Variants in ROBO2 observed in about 807,000 individuals in gnomAD.
The protein encoded by ROBO2 is roundabout homolog 2.
A neutral mutation model predicts 160.8 loss-of-function variants in ROBO2; 53 were observed. That is an observed-to-expected ratio of 0.33 (90% CI 0.26 to 0.41). The LOEUF (loss-of-function observed/expected upper bound fraction) is 0.41, where lower values mean the gene tolerates loss of function less well. Ranked by LOEUF, ROBO2 falls within the 10% of genes least tolerant of loss-of-function variation. The pLI, the probability that ROBO2 is intolerant of heterozygous loss-of-function variation, is 1.00. For missense variants in ROBO2, 1,577 were observed against 1,722.4 expected, an observed-to-expected ratio of 0.92 and a Z score of 1.49; for synonymous variants, 664 against 611.7, an observed-to-expected ratio of 1.09 and a Z score of -1.26.
At chr3:76,057,191 C>T (rs1433453341) in intron 2 of ROBO2, among the ~76,000 whole-genome samples, 2 of 152,090 alleles carry the variant, frequency 1.3e-5, no homozygotes, top group Non-Finnish European at 2.9e-5. Context: ...TGATACTAGG[C>T]GTATGCGGGC....
chr3:77,134,549 G>A (rs1241562977), intron 2 of ROBO2, among the ~76,000 whole-genome samples: 2 of 152,126 alleles, frequency 1.3e-5, no homozygotes, highest in Non-Finnish European at 2.9e-5. Flanking sequence ...TCCAGTGTTG[G>A]CACAGACACA....
chr3:77,358,178 A>C (rs568545661), intron 2 of ROBO2, among the ~76,000 whole-genome samples: 1 of 152,142 alleles, frequency 6.6e-6, no homozygotes, highest in South Asian at 2.1e-4. Context: ...TTGAAATCAA[A>C]ATGTCAGCAG....
At chr3:76,176,475 G>A (rs930035338) in intron 2 of ROBO2, among the ~76,000 whole-genome samples, 19 of 152,088 alleles carry the variant, frequency 1.2e-4, no homozygotes, top group Non-Finnish European at 5.9e-5. Context: ...ACACTAAAGG[G>A]AGCCAGGAAG....
chr3:77,564,815 T>C (rs1559623444), intron 11 of ROBO2, 139 bp from the exon 13 acceptor site: 1 of 801,920 alleles, frequency 1.2e-6, no homozygotes, highest in Non-Finnish European at 2.1e-6. Flanking sequence ...GTTTCATTTA[T>C]TGGGCTGAAT....
chr3:76,342,376 C>T (rs1251067505), intron 2 of ROBO2, among the ~76,000 whole-genome samples: 2 of 152,084 alleles, frequency 1.3e-5, no homozygotes, highest in Non-Finnish European at 2.9e-5. Context: ...CATACACATG[C>T]CTGAGTGTTT....
At chr3:76,527,732 T>C (rs1422720802) in intron 2 of ROBO2, among the ~76,000 whole-genome samples, 1 of 152,150 alleles carries the variant, frequency 6.6e-6, no homozygotes, top group African/African-American at 2.4e-5. Flanking sequence ...ATATAGCACA[T>C]TATATAATGA....
chr3:77,302,350 C>T (rs1361375907), intron 2 of ROBO2, among the ~76,000 whole-genome samples: 1 of 151,864 alleles, frequency 6.6e-6, no homozygotes, highest in Non-Finnish European at 1.5e-5. Context: ...AGAACAGTGT[C>T]TTGTTTGTGG....
chr3:75,913,966 A>C (rs1946706207), intron 1 of ROBO2, among the ~76,000 whole-genome samples: 2 of 152,186 alleles, frequency 1.3e-5, no homozygotes, highest in Non-Finnish European at 2.9e-5. Context: ...CAGCCTTTGA[A>C]ATCTTTCTGT....
intron 1 of ROBO2, among the ~76,000 whole-genome samples, chr3:77,050,216 T>G (rs2065078926): frequency 6.6e-6 from 1 of 152,228 alleles, no homozygotes; most frequent in Non-Finnish European, 1.5e-5. Flanking sequence ...CGTTGCCAGA[T>G]AACAGTACAG....
chr3:77,340,930 G>C lies in ROBO2; in HGVS notation c.389-136484G>C, dbSNP rs116688523. On this transcript the variant is annotated intron_variant, in intron 2 of 25. Transcript: ENST00000461745. The stretch of plus-strand genomic sequence containing the variant: ...TGTAGTATCGTCACTTGTAGAGCTG[G>C]GATCAACAAGCTAGTCTATGGGCCA... 7.6e-3 allele frequency among the ~76,000 whole-genome samples: 1,160 copies of C among 152,060 alleles called. 11 individuals are homozygous for C. Among genetic ancestry groups the C allele is most frequent in the African/African-American group, 0.026 (1,083 of 41,484 alleles).
chr3:77,143,104 A>C (rs994530671), intron 2 of ROBO2, among the ~76,000 whole-genome samples: 2 of 151,614 alleles, frequency 1.3e-5, no homozygotes, highest in African/African-American at 4.9e-5. Flanking sequence ...ACAAAAAGCA[A>C]ACTGCCAGCT....
At chr3:76,598,324 G>T (rs919427807) in intron 2 of ROBO2, among the ~76,000 whole-genome samples, 8 of 151,994 alleles carry the variant, frequency 5.3e-5, no homozygotes, top group African/African-American at 1.7e-4. Flanking sequence ...TTGTTTTTTT[G>T]TTGTTGTTTT....
chr3:77,098,075 C>T lies in ROBO2; in HGVS notation c.123C>T (p.Ile41=), dbSNP rs1366732590. Residue 41 remains isoleucine, a synonymous_variant, in exon 2 of 26, where the codon ATC becomes ATT. Coordinates refer to ENST00000461745, the Ensembl canonical transcript of ROBO2. ...TTGTGGAGCATCCTTCCGATGTCAT[C>T]GTCTCTAAGGGCGAGCCCACGACTC... 3.1e-6 allele frequency: 5 copies of T among 1,599,648 alleles called. 1 individual carries two copies. The South Asian group carries it at 3.3e-5, about 11-fold the overall frequency.
intron 2 of ROBO2, among the ~76,000 whole-genome samples, chr3:76,819,031 C>A (rs536616984): frequency 6.6e-6 from 1 of 152,036 alleles, no homozygotes; most frequent in Non-Finnish European, 1.5e-5. Flanking sequence ...TGCATAAAGG[C>A]TTTCATTGAT....
intron 2 of ROBO2, among the ~76,000 whole-genome samples, chr3:76,488,408 A>G (rs2079616871): frequency 6.6e-6 from 1 of 151,856 alleles, no homozygotes; most frequent in South Asian, 2.1e-4. Flanking sequence ...CTGCTGTTAG[A>G]GAAGACCTGC....
intron 2 of ROBO2, among the ~76,000 whole-genome samples, chr3:76,282,892 A>G (rs1481829987): frequency 6.6e-6 from 1 of 151,686 alleles, no homozygotes; most frequent in Non-Finnish European, 1.5e-5. Flanking sequence ...CAGCCTTAGC[A>G]CAAGAAGATA....
chr3:77,016,494 T>C (rs1451361834), intron 2 of ROBO2, among the ~76,000 whole-genome samples: 1 of 152,208 alleles, frequency 6.6e-6, no homozygotes, highest in Non-Finnish European at 1.5e-5. Flanking sequence ...ATATTTATCT[T>C]TGTAAATCCA....
chr3:76,161,242 A>G (rs2072623561), intron 2 of ROBO2, among the ~76,000 whole-genome samples: 1 of 152,168 alleles, frequency 6.6e-6, no homozygotes, highest in African/African-American at 2.4e-5. Flanking sequence ...ATTTAGTTGA[A>G]TACATTAAAG....
At chr3:76,231,897 ATT>A (rs1434172849) in intron 2 of ROBO2, among the ~76,000 whole-genome samples, 2 of 152,252 alleles carry the variant, frequency 1.3e-5, no homozygotes, top group Admixed American at 1.3e-4. Context: ...CAAAACTGAA[ATT>A]TATTGACTCA....
Sources: allele counts gnomAD v4.1 joint callset (sites outside exome capture counted in the v4.1 genomes callset), GRCh38; gene constraint gnomAD v4.1.1; transcripts MANE v1.5; gene names NCBI Gene and HGNC (gene_info 2026-07-23, HGNC 2026-07-21).